DTX3L: variants seen among roughly 807,000 people sequenced by gnomAD.
DTX3L encodes the protein deltex E3 ubiquitin ligase 3L, also known as E3 ubiquitin-protein ligase DTX3L.
In DTX3L, 34 loss-of-function variants were observed where a neutral mutation model predicts 60.9. The observed-to-expected ratio is 0.56, with a 90% CI of 0.42 to 0.74. DTX3L has a LOEUF of 0.74. Among genes scored for constraint, DTX3L ranks in the 30% least tolerant of loss-of-function variants. DTX3L has a pLI of 0.00. For synonymous variants in DTX3L, 290 were observed against 316.6 expected, an observed-to-expected ratio of 0.92 and a Z score of 0.89; for missense variants, 810 against 874.0, an observed-to-expected ratio of 0.93 and a Z score of 0.92.
At chr3:122,570,182 G>C (rs1200507735) in intron 3 of DTX3L, 158 bp downstream of exon 3, 2 of 833,022 alleles carry the variant, frequency 2.4e-6, no homozygotes, top group East Asian at 2.6e-5. Flanking sequence ...CACAATGTTT[G>C]CTGGTAATTC....
intron 1 of DTX3L, among the ~76,000 whole-genome samples, chr3:122,565,086 A>G (rs2080539970): frequency 6.6e-6 from 1 of 152,250 alleles, no homozygotes; most frequent in East Asian, 1.9e-4. Flanking sequence ...CTGAAGATAA[A>G]CAATGTGACC....
rs781420079 is a variant in DTX3L at position 122,570,044 on chromosome 3, A to G, written c.1935+20A>G. On this transcript the variant is annotated intron_variant, in intron 3 of 4. Coordinates refer to ENST00000296161, the MANE Select transcript of DTX3L (RefSeq NM_138287.3). ...CAAACAGTAAGTATTTCTCAAGTCC[A>G]TGGGTTTCTTGCCACTATGCTACGA... is the stretch of plus-strand genomic sequence containing the variant. The G allele has an allele frequency of 5.6e-6, 9 of 1,611,176 alleles. No homozygotes were observed. The East Asian group carries it at 1.3e-4, about 24-fold the overall frequency.
Position 122,569,751 on chromosome 3 carries a change from C to G in DTX3L, c.1662C>G (p.Asp554Glu). 1 of 1,613,988 alleles carries G rather than the reference C, an allele frequency of 6.2e-7. No individual in the cohort carries two copies. The highest frequency in any genetic ancestry group is 8.5e-7 in the Non-Finnish European group (1 of 1,179,986). ...GSVSSEASELDKKEKGICVIC... is the reference protein window; with the variant it reads ...GSVSSEASELEKKEKGICVIC... ...TGAGTTCTGAGGCCTCAGAACTGGA[C>G]AAGAAGGAAAAGGGCATCTGTGTCA... The change falls in exon 3 of 5, where the codon GAC becomes GAG. Residue 554 changes from aspartate to glutamate, a missense_variant. Transcript: ENST00000296161.
In DTX3L at chr3:122,568,696, C is replaced by T. The variant is rs1341616853; in HGVS notation, c.607C>T (p.Pro203Ser). 1.9e-6 allele frequency: 3 copies of T among 1,614,102 alleles called. No individual in the cohort carries two copies. Among genetic ancestry groups the T allele is most frequent in the East Asian group, 4.5e-5 (2 of 44,880 alleles). Residue 203 changes from proline (P) to serine (S), a missense_variant, in exon 3 of 5, where the codon CCT (proline) becomes TCT (serine). By Grantham distance (74) the Pro-to-Ser change is moderately conservative. Transcript: ENST00000296161. ...LESEQKQQFSPSMTERKPLSQ... is the reference protein window; with the variant it reads ...LESEQKQQFSSSMTERKPLSQ... ...AAGTGAGCAGAAACAACAATTTTCC[C>T]CTTCAATGACAGAGAGGAAGCCACT...
At position 122,571,472 on chromosome 3, in the gene DTX3L, G is replaced by A. The variant is rs553494465; in HGVS notation, c.2154-206G>A. ...TGGCAGGGTAGAAGCCAGCTTGAAA[G>A]GCAGATGCTGGCCAGACAGCTAGGC... On this transcript the variant is annotated intron_variant, in intron 4 of 4. Transcript: ENST00000296161. 7.1e-4 allele frequency among the ~76,000 whole-genome samples: 108 copies of A among 152,316 alleles called. 1 individual carries two copies. Among genetic ancestry groups the A allele is most frequent in the African/African-American group, 2.3e-3 (97 of 41,572 alleles).
In DTX3L at chr3:122,564,468, G is replaced by T; in HGVS notation, c.42G>T (p.Arg14=). 1 of 1,612,570 alleles carries T rather than the reference G, an allele frequency of 6.2e-7. No individual in the cohort carries two copies. The highest frequency in any genetic ancestry group is 8.5e-7 in the Non-Finnish European group (1 of 1,179,420). Residue 14 remains arginine (R), a synonymous_variant, in exon 1 of 5, where the codon CGG becomes CGT. Transcript: ENST00000296161. ...GCCCGCCGTCCCCGCTCCTCGTGCG[G>T]GTGTACAAGTCCGGCCCCCGAGTAC... ...HLRPPSPLLV[R]VYKSGPRVRR... is the part of the protein sequence containing the mutation.
Position 122,569,256 on chromosome 3 carries a change from A to C in DTX3L, c.1167A>C (p.Glu389Asp). 6.2e-7 allele frequency: 1 copy of C among 1,614,126 alleles called. No individual in the cohort carries two copies. The highest frequency in any genetic ancestry group is 8.5e-7 in the Non-Finnish European group (1 of 1,180,000). ...ATAGTGCCCACTATAAACTTTTAGAAACTGAATTACTACAGGAGATATCAG... is the reference window on the plus strand; with the variant it reads ...ATAGTGCCCACTATAAACTTTTAGACACTGAATTACTACAGGAGATATCAG... ...EVDSAHYKLL[E>D]TELLQEISEI... Residue 389 changes from glutamate (E) to aspartate (D), a missense_variant, in exon 3 of 5, where the codon GAA becomes GAC. Glu to Asp is a conservative substitution (Grantham distance 45, BLOSUM62 2). Coordinates refer to ENST00000296161, the MANE Select transcript of DTX3L (RefSeq NM_138287.3).
chr3:122,566,065 C>CA lies in DTX3L; in HGVS notation c.398dup (p.Ile134AspfsTer8). The CA allele has an allele frequency of 6.2e-7, 1 of 1,613,914 alleles. No homozygotes were observed. Among genetic ancestry groups the CA allele is most frequent in the Non-Finnish European group, 8.5e-7 (1 of 1,179,866 alleles). ...TCCTAATGCTGTGGATTCCTGTCTC[C>CA]AAAAGGTGAGTATTGAAAGAAGGAG... is the stretch of plus-strand genomic sequence containing the variant. On this transcript the variant is annotated frameshift_variant, in exon 2 of 5. Transcript: ENST00000296161. LOFTEE classifies it high-confidence loss of function.
Position 122,572,326 on chromosome 3 carries a change from T to A in DTX3L, c.*579T>A, listed in dbSNP as rs1407347312. ...GGGGTTAGAGGTGGGTCCGAAATAATCTTCTGTGTCCTTCAGTTGGACTCT... is the reference window on the plus strand; with the variant it reads ...GGGGTTAGAGGTGGGTCCGAAATAAACTTCTGTGTCCTTCAGTTGGACTCT... On this transcript the variant is annotated 3_prime_UTR_variant, in exon 5 of 5. Coordinates refer to ENST00000296161, the MANE Select transcript of DTX3L (RefSeq NM_138287.3). 1 of 152,198 alleles carries A rather than the reference T, an allele frequency of 6.6e-6. No individual in the cohort carries two copies. Among genetic ancestry groups the A allele is most frequent in the Non-Finnish European group, 1.5e-5 (1 of 68,072 alleles). The allele number at this position is 152,198 out of a possible 1,614,324, so 9.4% of individuals were successfully genotyped here.
At chr3:122,565,596 GT>G in intron 1 of DTX3L, among the ~76,000 whole-genome samples, 1 of 151,336 alleles carries the variant, frequency 6.6e-6, no homozygotes, top group Non-Finnish European at 1.5e-5. Context: ...ACTGGAGACA[GT>G]TTTAGAAACA....
In DTX3L at chr3:122,569,367, G is replaced by A. The variant is rs1390099837; in HGVS notation, c.1278G>A (p.Gln426=). The A allele has an allele frequency of 1.9e-6, 3 of 1,614,104 alleles. No homozygotes were observed. Among genetic ancestry groups the A allele is most frequent in the East Asian group, 4.5e-5 (2 of 44,878 alleles). ...TTCTGTTTGAATCCAAGGACAGGCA[G>A]GTAGATCTATCTGTGCATGCTTATG... ...TCILFESKDR[Q]VDLSVHAYAS... The change falls in exon 3 of 5, where the codon CAG becomes CAA. Residue 426 remains glutamine (Q), a synonymous_variant. Coordinates refer to ENST00000296161, the MANE Select transcript of DTX3L (RefSeq NM_138287.3).
intron 2 of DTX3L, among the ~76,000 whole-genome samples, chr3:122,566,867 C>A (rs748662463): frequency 6.6e-6 from 1 of 152,074 alleles, no homozygotes; most frequent in Non-Finnish European, 1.5e-5. Flanking sequence ...GAGAAACAGA[C>A]AATATTAGTA....
Position 122,569,861 on chromosome 3 carries a change from C to G in DTX3L, c.1772C>G (p.Ser591Ter). 3 of 1,614,110 alleles carry G rather than the reference C, an allele frequency of 1.9e-6. No homozygotes were observed. Among genetic ancestry groups the G allele is most frequent in the Non-Finnish European group, 2.5e-6 (3 of 1,180,034 alleles). ...FCAPCINKAMSYKPICPTCQT... is the reference protein window; with the variant it reads ...FCAPCINKAM Reference sequence around the variant, plus strand: ...GCCCCTTGTATCAACAAAGCCATGTCATATAAGCCAATCTGTCCCACATGC... The same window carrying G: ...GCCCCTTGTATCAACAAAGCCATGTGATATAAGCCAATCTGTCCCACATGC... The change falls in exon 3 of 5, where the codon TCA (serine) becomes TGA (stop). Residue 591 changes from serine to a stop codon, truncating the protein, a stop_gained. Coordinates refer to ENST00000296161, the MANE Select transcript of DTX3L (RefSeq NM_138287.3). LOFTEE classifies it high-confidence loss of function.
chr3:122,564,493 C>T lies in DTX3L; in HGVS notation c.67C>T (p.Arg23Ter), dbSNP rs2080511905. The change falls in exon 1 of 5, where the codon CGA (arginine) becomes TGA (stop). Residue 23 changes from arginine (R) to a stop codon, truncating the protein, a stop_gained. Transcript: ENST00000296161. LOFTEE classifies it high-confidence loss of function. ...GGTGTACAAGTCCGGCCCCCGAGTA[C>T]GAAGGAAGCTGGAGAGCTACTTCCA... Reference protein sequence around the residue: ...VRVYKSGPRVRRKLESYFQSS... With the variant: ...VRVYKSGPRV 3 of 1,612,692 alleles carry T rather than the reference C, an allele frequency of 1.9e-6. No homozygotes were observed. Among genetic ancestry groups the T allele is most frequent in the Non-Finnish European group, 2.5e-6 (3 of 1,179,390 alleles).
chr3:122,567,791 T>C (rs1207977488), intron 2 of DTX3L, among the ~76,000 whole-genome samples: 1 of 152,234 alleles, frequency 6.6e-6, no homozygotes, highest in African/African-American at 2.4e-5. Flanking sequence ...CCTTGACTGC[T>C]GTTCCCAAGA....
In DTX3L at chr3:122,571,791, A is replaced by G. The variant is rs371306523; in HGVS notation, c.*44A>G. 4.2e-4 allele frequency: 648 copies of G among 1,525,284 alleles called. 3 individuals carry two copies. Among genetic ancestry groups the G allele is most frequent in the Middle Eastern group, 9.3e-4 (5 of 5,378 alleles). 94.5% of individuals were successfully genotyped at this position (1,525,284 alleles called of 1,614,324 possible). On this transcript the variant is annotated 3_prime_UTR_variant, in exon 5 of 5. Coordinates refer to ENST00000296161, the MANE Select transcript of DTX3L (RefSeq NM_138287.3). ...TCTTAAATCAAGCTTTCAAAAAAAT[A>G]TATTTTAGGAGGCTGATTTAATGCC...
chr3:122,565,620 G>A (rs2080566907), intron 1 of DTX3L, among the ~76,000 whole-genome samples: 2 of 151,630 alleles, frequency 1.3e-5, no homozygotes, highest in South Asian at 2.1e-4. Flanking sequence ...ATGTTTAATC[G>A]GTGGACAATG....
At position 122,574,532 on chromosome 3, in the gene DTX3L, C is replaced by T. The variant is rs895100246; in HGVS notation, c.*2785C>T. 2.6e-5 allele frequency: 4 copies of T among 152,198 alleles called. No homozygotes were observed. Among genetic ancestry groups the T allele is most frequent in the African/African-American group, 4.8e-5 (2 of 41,444 alleles). The allele number at this position is 152,198 out of a possible 1,614,324, so 9.4% of individuals were successfully genotyped here. On this transcript the variant is annotated 3_prime_UTR_variant, in exon 5 of 5. Transcript: ENST00000296161. ...AATAATAGCTAATATTTAATGAGTA[C>T]TTACCTTAGTTTGTCCCCTTTACAA...
Position 122,569,357 on chromosome 3 carries a change from A to G in DTX3L, c.1268A>G (p.Lys423Arg), listed in dbSNP as rs760492988. The G allele has an allele frequency of 4.2e-5, 67 of 1,614,072 alleles. No individual in the cohort carries two copies. The South Asian group carries it at 6.9e-4, about 17-fold the overall frequency. Residue 423 changes from lysine (K) to arginine (R), a missense_variant, in exon 3 of 5, where the codon AAG becomes AGG. Physicochemically the swap from Lys to Arg is conservative, Grantham distance 26. Coordinates refer to ENST00000296161, the MANE Select transcript of DTX3L (RefSeq NM_138287.3). ...GQKTCILFES[K>R]DRQVDLSVHA... ...AAAACCTGCATTCTGTTTGAATCCA[A>G]GGACAGGCAGGTAGATCTATCTGTG...
Sources: allele counts gnomAD v4.1 joint callset (sites outside exome capture counted in the v4.1 genomes callset), GRCh38; gene constraint gnomAD v4.1.1; transcripts MANE v1.5; gene names NCBI Gene and HGNC (gene_info 2026-07-23, HGNC 2026-07-21).